The following ZDHHC7 variants were observed in gnomAD, a reference collection of about 807,000 sequenced individuals.
ZDHHC7 encodes zDHHC palmitoyltransferase 7, also known as palmitoyltransferase ZDHHC7.
In ZDHHC7, 12 loss-of-function variants were observed where a neutral mutation model predicts 34.1. That is an observed-to-expected ratio of 0.35 (90% CI 0.23 to 0.57). The LOEUF (loss-of-function observed/expected upper bound fraction) is 0.57, where lower values mean the gene tolerates loss of function less well. Among genes scored for constraint, ZDHHC7 ranks in the 20% least tolerant of loss-of-function variants. The pLI is 0.84. For missense variants in ZDHHC7, 388 were observed against 402.7 expected, an observed-to-expected ratio of 0.96 and a Z score of 0.31; for synonymous variants, 185 against 155.4, an observed-to-expected ratio of 1.19 and a Z score of -1.42.
the ZDHHC7 span, among the ~76,000 whole-genome samples, chr16:85,024,775 C>T: frequency 6.6e-6 from 1 of 152,206 alleles, no homozygotes; most frequent in Non-Finnish European, 1.5e-5. Context: ...GACCCCTACT[C>T]CTGTGCAGAT....
chr16:85,002,093 A>G (rs1041136917), intron 1 of ZDHHC7, among the ~76,000 whole-genome samples: 5 of 152,210 alleles, frequency 3.3e-5, no homozygotes, highest in Non-Finnish European at 7.3e-5. Context: ...AAAATAAAAT[A>G]GTATTGCTTT....
intron 1 of ZDHHC7, among the ~76,000 whole-genome samples, chr16:85,006,034 A>G (rs1030634968): frequency 6.6e-6 from 1 of 152,142 alleles, no homozygotes; most frequent in Non-Finnish European, 1.5e-5. Context: ...CTAGATTCCA[A>G]TGACTCTCCA....
At chr16:85,019,350 A>T in the ZDHHC7 span, among the ~76,000 whole-genome samples, 41 of 152,160 alleles carry the variant, frequency 2.7e-4, no homozygotes, top group African/African-American at 9.4e-4. Flanking sequence ...CTGCCTGTCC[A>T]AAAGTAGGCA....
chr16:84,998,879 G>C (rs985188373), intron 1 of ZDHHC7, among the ~76,000 whole-genome samples: 4 of 148,300 alleles, frequency 2.7e-5, no homozygotes, highest in African/African-American at 7.5e-5. Flanking sequence ...TCAGCCTCCC[G>C]AGTAGCTGGG....
chr16:84,988,455 C>T (rs2072465839), intron 3 of ZDHHC7, among the ~76,000 whole-genome samples: 1 of 152,184 alleles, frequency 6.6e-6, no homozygotes, highest in Non-Finnish European at 1.5e-5. Flanking sequence ...CCAACTTCTC[C>T]CTCAGTATGT....
intron 1 of ZDHHC7, among the ~76,000 whole-genome samples, chr16:85,006,380 A>G (rs1948462303): frequency 6.6e-6 from 1 of 152,150 alleles, no homozygotes; most frequent in Admixed American, 6.6e-5. Context: ...AAACCTAAAT[A>G]AAAATTCCTT....
chr16:84,987,834 CCAGGCA>C (rs1767842727), intron 3 of ZDHHC7, among the ~76,000 whole-genome samples: 1 of 152,168 alleles, frequency 6.6e-6, no homozygotes, highest in South Asian at 2.1e-4. Context: ...CTGGTGAGAG[CCAGGCA>C]CAAAAGGCCA....
At chr16:85,027,137 G>T in the ZDHHC7 span, among the ~76,000 whole-genome samples, 4 of 152,236 alleles carry the variant, frequency 2.6e-5, no homozygotes, top group Admixed American at 2.0e-4. Context: ...AGCTGAGATG[G>T]AATCTACCAG....
At chr16:84,981,534 G>T (rs2072367824) in intron 4 of ZDHHC7, among the ~76,000 whole-genome samples, 1 of 152,308 alleles carries the variant, frequency 6.6e-6, no homozygotes, top group East Asian at 1.9e-4. Context: ...CAGGAGCTGT[G>T]AGCACACACG....
intron 2 of ZDHHC7, among the ~76,000 whole-genome samples, chr16:84,991,747 C>A (rs770421309): frequency 3.9e-5 from 6 of 152,166 alleles, no homozygotes; most frequent in Non-Finnish European, 5.9e-5. Context: ...AATCCTCCTG[C>A]CTCAGCCTCC....
In ZDHHC7 at chr16:84,997,185, G is replaced by C. The variant is rs187496386; in HGVS notation, c.-103-1178C>G. On this transcript the variant is annotated intron_variant, in intron 1 of 7. Transcript: ENST00000313732. ...CAAAATAAGAGAAGAGATTGGTTCT[G>C]TGAAACAAAAAGAGGAACAGTTTAA... Among the ~76,000 whole-genome samples, 17 of 151,726 alleles carry C rather than the reference G, an allele frequency of 1.1e-4. No homozygotes were observed. In the East Asian group the frequency reaches 2.9e-3, roughly 26 times the overall value.
At chr16:85,005,469 C>T (rs1010641737) in intron 1 of ZDHHC7, among the ~76,000 whole-genome samples, 4 of 152,208 alleles carry the variant, frequency 2.6e-5, no homozygotes, top group African/African-American at 7.2e-5. Context: ...AGGCGTATCA[C>T]GAGCTCATTT....
At chr16:85,013,271 C>G (rs921983399), upstream of ZDHHC7, among the ~76,000 whole-genome samples, 1 of 152,140 alleles carries the variant, frequency 6.6e-6, no homozygotes, top group African/African-American at 2.4e-5. Flanking sequence ...GAGATGGAGT[C>G]TCGCTCTGTC....
At chr16:85,020,250 A>G in the ZDHHC7 span, among the ~76,000 whole-genome samples, 2 of 152,200 alleles carry the variant, frequency 1.3e-5, no homozygotes, top group African/African-American at 4.8e-5. Context: ...ACAATAACCC[A>G]GTCCTCATCT....
intron 1 of ZDHHC7, among the ~76,000 whole-genome samples, chr16:85,010,587 A>G (rs1340732209): frequency 6.6e-6 from 1 of 152,258 alleles, no homozygotes; most frequent in Non-Finnish European, 1.5e-5. Context: ...CAGTAAAAGA[A>G]GCTACAAGGC....
chr16:84,980,723 A>T (rs901561277), intron 4 of ZDHHC7, among the ~76,000 whole-genome samples: 8 of 152,176 alleles, frequency 5.3e-5, no homozygotes, highest in African/African-American at 1.9e-4. Flanking sequence ...GCAATGTACA[A>T]TTCAATGATT....
At chr16:85,004,730 G>A (rs189392396) in intron 1 of ZDHHC7, among the ~76,000 whole-genome samples, 26 of 152,320 alleles carry the variant, frequency 1.7e-4, no homozygotes, top group African/African-American at 6.3e-4. Context: ...AGTAAGGGAA[G>A]GAGGGTGCTT....
chr16:84,992,562 G>C (rs751863848), intron 2 of ZDHHC7, among the ~76,000 whole-genome samples: 1 of 152,222 alleles, frequency 6.6e-6, no homozygotes, highest in African/African-American at 2.4e-5. Context: ...TGTTTGCTCT[G>C]AGAGTTGTAA....
At chr16:84,995,582 C>T (rs950376119) in intron 2 of ZDHHC7, among the ~76,000 whole-genome samples, 1 of 152,102 alleles carries the variant, frequency 6.6e-6, no homozygotes, top group Non-Finnish European at 1.5e-5. Context: ...GCCAAGATCA[C>T]GCCATTGCAC....
Sources: allele counts gnomAD v4.1 joint callset (sites outside exome capture counted in the v4.1 genomes callset), GRCh38; gene constraint gnomAD v4.1.1; transcripts MANE v1.5; gene names NCBI Gene and HGNC (gene_info 2026-07-23, HGNC 2026-07-21).